TOM1L1: variants seen among roughly 807,000 people sequenced by gnomAD.
The protein encoded by TOM1L1 is TOM1-like protein 1.
Under a neutral mutation model 63.4 loss-of-function variants are expected in TOM1L1, and 64 were observed. The ratio of observed to expected loss-of-function variants is 1.01; its 90% CI spans 0.83 to 1.24. The LOEUF (loss-of-function observed/expected upper bound fraction) is 1.24. Among genes scored for constraint, TOM1L1 ranks in the 50% most tolerant of loss-of-function variants. The pLI, the probability that TOM1L1 is intolerant of heterozygous loss-of-function variation, is 0.00. For missense variants in TOM1L1, 536 were observed against 567.0 expected (o/e 0.95, Z 0.55); for synonymous variants, 166 against 194.4 (o/e 0.85, Z 1.22).
chr17:54,922,235 G>A (rs2048696120), intron 7 of TOM1L1, among the ~76,000 whole-genome samples: 1 of 152,076 alleles, frequency 6.6e-6, no homozygotes, highest in Non-Finnish European at 1.5e-5. Flanking sequence ...GGAGCTTGCA[G>A]TGAGCCGAGA....
chr17:54,932,802 A>T (rs1446599418), intron 8 of TOM1L1, among the ~76,000 whole-genome samples: 1 of 152,222 alleles, frequency 6.6e-6, no homozygotes, highest in Non-Finnish European at 1.5e-5. Flanking sequence ...TAAGCAAAAA[A>T]ATATCCAAGG....
At chr17:54,943,504 T>C (rs543419657) in intron 11 of TOM1L1, among the ~76,000 whole-genome samples, 2 of 148,860 alleles carry the variant, frequency 1.3e-5, no homozygotes, top group East Asian at 4.0e-4. Context: ...TGGTAAATAA[T>C]GTGGTTTAAA....
chr17:54,907,685 AAGATGTGT>A (rs1240580756), intron 3 of TOM1L1, among the ~76,000 whole-genome samples: 4 of 152,164 alleles, frequency 2.6e-5, no homozygotes, highest in African/African-American at 9.7e-5. Flanking sequence ...CCGGAGTAGA[AAGATGTGT>A]AGATGTACCC....
rs571687278 is a variant in TOM1L1 at position 54,908,062 on chromosome 17, A to G, written c.222+2495A>G. On this transcript the variant is annotated intron_variant, in intron 3 of 15. Transcript: ENST00000575882. The stretch of plus-strand genomic sequence containing the variant: ...CTTCCACTCTTCCTTCTCATCAGGT[A>G]GTCTAATCTGCTCGCTGCCTTTCCC... 3.9e-5 allele frequency among the ~76,000 whole-genome samples: 6 copies of G among 152,204 alleles called. No individual in the cohort carries two copies. In the East Asian group the frequency reaches 1.2e-3, roughly 30 times the overall value.
chr17:54,940,294 A>G (rs2049015442), intron 11 of TOM1L1, among the ~76,000 whole-genome samples: 1 of 152,238 alleles, frequency 6.6e-6, no homozygotes, highest in Admixed American at 6.5e-5. Context: ...ATGTCAATTA[A>G]AGTCTAATAA....
intron 3 of TOM1L1, among the ~76,000 whole-genome samples, chr17:54,906,494 GT>G (rs1361783273): frequency 1.5e-4 from 21 of 143,940 alleles, no homozygotes; most frequent in African/African-American, 5.1e-4. Context: ...AAAAAAAAAA[GT>G]TTGTGCATGT....
intron 3 of TOM1L1, chr17:54,906,874 C>T (rs961425045): frequency 3.6e-5 from 33 of 929,428 alleles, no homozygotes; most frequent in African/African-American, 8.9e-5. Context: ...TTATTCTGCA[C>T]GCCTTTGTTT....
At position 54,920,188 on chromosome 17, in the gene TOM1L1, C is replaced by T. The variant is rs2048660919; in HGVS notation, c.720+4326C>T. On this transcript the variant is annotated intron_variant, in intron 7 of 15. Coordinates refer to ENST00000575882, the MANE Select transcript of TOM1L1 (RefSeq NM_005486.3). ...TTATAACTGCAGGGGCTTTTGGAGG[C>T]TTCAGCATAAGCCTAGGGAGTCATC... Among the ~76,000 whole-genome samples, 4 of 152,076 alleles carry T rather than the reference C, an allele frequency of 2.6e-5. No individual in the cohort carries two copies. In the South Asian group the frequency reaches 6.2e-4, roughly 24 times the overall value.
intron 11 of TOM1L1, among the ~76,000 whole-genome samples, chr17:54,941,139 C>A (rs557396922): frequency 1.3e-5 from 2 of 152,128 alleles, no homozygotes; most frequent in African/African-American, 2.4e-5. Flanking sequence ...CTCCGTTATT[C>A]AATAAAATGC....
chr17:54,941,424 A>G (rs2049031017), intron 11 of TOM1L1, among the ~76,000 whole-genome samples: 1 of 152,240 alleles, frequency 6.6e-6, no homozygotes, highest in South Asian at 2.1e-4. Context: ...TTAAGTGTCA[A>G]TGGCTCTTTC....
At chr17:54,904,530 C>A (rs1395940339) in intron 2 of TOM1L1, among the ~76,000 whole-genome samples, 3 of 152,162 alleles carry the variant, frequency 2.0e-5, no homozygotes, top group Non-Finnish European at 4.4e-5. Flanking sequence ...TTCTAGTAAC[C>A]AGGAAACAAT....
chr17:54,921,902 T>G (rs2048689922), intron 7 of TOM1L1, among the ~76,000 whole-genome samples: 2 of 152,192 alleles, frequency 1.3e-5, no homozygotes, highest in African/African-American at 4.8e-5. Flanking sequence ...CCAGAAACCC[T>G]ATCAATAACA....
In TOM1L1 at chr17:54,961,457, T is replaced by C. The variant is rs2077123307; in HGVS notation, c.*224T>C. 1 of 1,473,768 alleles carries C rather than the reference T, an allele frequency of 6.8e-7. No homozygotes were observed. The highest frequency in any genetic ancestry group is 2.5e-5 in the East Asian group (1 of 40,004). The allele number at this position is 1,473,768 out of a possible 1,614,324, so 91.3% of individuals were successfully genotyped here. On this transcript the variant is annotated 3_prime_UTR_variant, in exon 16 of 16. Transcript: ENST00000575882. Reference sequence around the variant, plus strand: ...AACAGAACTTGTTTGGAACAAATACTCACTTAAAACTTCAGCAGAAGAAAA... The same window carrying C: ...AACAGAACTTGTTTGGAACAAATACCCACTTAAAACTTCAGCAGAAGAAAA...
intron 15 of TOM1L1, 38 bp downstream of exon 15, chr17:54,960,665 C>T: frequency 7.0e-7 from 1 of 1,435,046 alleles, no homozygotes; most frequent in East Asian, 2.3e-5. Context: ...TTCCATATTC[C>T]ATATAATTTC....
At chr17:54,936,423 GTGATGAGTTTTTTTTAAA>G in intron 8 of TOM1L1, 1 of 406,658 alleles carries the variant, frequency 2.5e-6, no homozygotes, top group Non-Finnish European at 4.4e-6. Flanking sequence ...CAATTTCTGG[GTGATGAGTTTTTTTTAAA>G]TACTTTTCTA....
intron 14 of TOM1L1, chr17:54,959,625 T>G (rs1003142345): frequency 2.0e-5 from 3 of 151,336 alleles, no homozygotes; most frequent in Non-Finnish European, 4.4e-5. Context: ...AATTTTTTTT[T>G]TTTTTTTTTG....
intron 11 of TOM1L1, among the ~76,000 whole-genome samples, chr17:54,946,407 C>A (rs1215614235): frequency 6.6e-6 from 1 of 152,146 alleles, no homozygotes; most frequent in Non-Finnish European, 1.5e-5. Flanking sequence ...ATTTCCTTGA[C>A]TATGCTTATG....
intron 1 of TOM1L1, among the ~76,000 whole-genome samples, chr17:54,902,848 A>T (rs1242458504): frequency 3.9e-5 from 6 of 152,188 alleles, no homozygotes; most frequent in Non-Finnish European, 2.9e-5. Context: ...CTGATTATCT[A>T]ATCATAGGGT....
intron 11 of TOM1L1, among the ~76,000 whole-genome samples, chr17:54,944,020 A>G (rs1387306803): frequency 6.6e-6 from 1 of 152,018 alleles, no homozygotes; most frequent in Admixed American, 6.6e-5. Flanking sequence ...AAAAGGAAGT[A>G]AAAACCTTAT....
Sources: allele counts gnomAD v4.1 joint callset (sites outside exome capture counted in the v4.1 genomes callset), GRCh38; gene constraint gnomAD v4.1.1; transcripts MANE v1.5; gene names NCBI Gene and HGNC (gene_info 2026-07-23, HGNC 2026-07-21).